ATP4A: variants seen among roughly 807,000 people sequenced by gnomAD.
The protein encoded by ATP4A is ATPase H+/K+ transporting subunit alpha.
Under a neutral mutation model 112.1 loss-of-function variants are expected in ATP4A, and 73 were observed. The observed-to-expected ratio is 0.65, with a 90% CI of 0.54 to 0.79. ATP4A has a LOEUF of 0.79. Ranked by LOEUF, ATP4A falls within the 30% of genes least tolerant of loss-of-function variation. ATP4A has a pLI of 0.00. For missense variants in ATP4A, 1,081 were observed against 1,425.9 expected, an observed-to-expected ratio of 0.76 and a Z score of 3.90; for synonymous variants, 588 against 588.9, an observed-to-expected ratio of 1.00 and a Z score of 0.02.
In ATP4A at chr19:35,558,296, T is replaced by C. The variant is rs1353161774; in HGVS notation, c.1500+66A>G. 54 of 1,530,528 alleles carry C rather than the reference T, an allele frequency of 3.5e-5. No individual in the cohort carries two copies. The highest frequency in any genetic ancestry group is 4.8e-5 in the Non-Finnish European group (54 of 1,135,936). 94.8% of individuals were successfully genotyped at this position (1,530,528 alleles called of 1,614,324 possible). The stretch of plus-strand genomic sequence containing the variant: ...CGAAGCCCCTCGTGGCCCGCTGATG[T>C]GGGTGTGGCCTGGGGCGGGGCCCGA... On this transcript the variant is annotated intron_variant, in intron 10 of 21. Transcript: ENST00000262623. The surrounding 1 kb of genome is among the most constrained non-coding windows in gnomAD (Gnocchi z 5.1).
At position 35,558,940 on chromosome 19, in the gene ATP4A, C is replaced by T; in HGVS notation, c.1255+53G>A. On this transcript the variant is annotated intron_variant, in intron 8 of 21. Coordinates refer to ENST00000262623, the MANE Select transcript of ATP4A (RefSeq NM_000704.3). This position sits in a 1 kb window ranked among gnomAD's most constrained non-coding sequence, Gnocchi z 5.1. ...CCTACCTCCCTATCCCTCTTCAGGT[C>T]TCCACCATCCACCAGATCCTGCCCT... 4.4e-6 allele frequency: 7 copies of T among 1,603,106 alleles called. No individual in the cohort carries two copies. Among genetic ancestry groups the T allele is most frequent in the African/African-American group, 1.3e-5 (1 of 74,892 alleles).
At position 35,559,944 on chromosome 19, in the gene ATP4A, A is replaced by C. The variant is rs1273285199; in HGVS notation, c.917T>G (p.Ile306Ser). 1 of 1,614,224 alleles carries C rather than the reference A, an allele frequency of 6.2e-7. No individual in the cohort carries two copies. Among genetic ancestry groups the C allele is most frequent in the East Asian group, 2.2e-5 (1 of 44,882 alleles). ...ACCGAAGAGAATGGCCAGGCCCGCGATGATGTCCACAAAATGCTCGATCTC... is the reference window on the plus strand; with the variant it reads ...ACCGAAGAGAATGGCCAGGCCCGCGCTGATGTCCACAAAATGCTCGATCTC... ...AIEIEHFVDI[I>S]AGLAILFGAT... The change falls in exon 7 of 22, where the codon ATC (isoleucine) becomes AGC (serine). Residue 306 changes from isoleucine to serine, a missense_variant. Ile to Ser is a moderately radical substitution (Grantham distance 142). This residue lies in a region of ATP4A where 850 missense variants were observed against 1,068.2 expected (regional missense o/e 0.80). Transcript: ENST00000262623. This position sits in a 1 kb window ranked among gnomAD's most constrained non-coding sequence, Gnocchi z 4.1.
chr19:35,555,146 C>A lies in ATP4A; in HGVS notation c.2326+20G>T, dbSNP rs777249685. The A allele has an allele frequency of 6.2e-7, 1 of 1,614,060 alleles. No individual in the cohort carries two copies. The highest frequency in any genetic ancestry group is 1.1e-5 in the South Asian group (1 of 91,062). ...CTCCTGTGCCCACACTGCCTGCCCT[C>A]CCCCTGGCGTGGCTCGGACCCTGCT... On this transcript the variant is annotated intron_variant, in intron 15 of 21. Coordinates refer to ENST00000262623, the MANE Select transcript of ATP4A (RefSeq NM_000704.3). The surrounding 1 kb of genome is among the most constrained non-coding windows in gnomAD (Gnocchi z 6.6).
chr19:35,563,074 C>G, intron 3 of ATP4A, 135 bp downstream of exon 3: 3 of 927,076 alleles, frequency 3.2e-6, no homozygotes, highest in East Asian at 5.8e-5. Context: ...CTGCCTCCCT[C>G]CCTCTCTCTA....
chr19:35,560,663 G>GC lies in ATP4A; in HGVS notation c.535-49_535-48insG. The GC allele has an allele frequency of 9.3e-5, 82 of 883,868 alleles. No individual in the cohort carries two copies. The highest frequency in any genetic ancestry group is 1.3e-4 in the Non-Finnish European group (72 of 561,640). The allele number at this position is 883,868 out of a possible 1,614,324, so 54.8% of individuals were successfully genotyped here. ...TTGAGGTGGACGGGGGTGGGGGTGG[G>GC]AGCTGCTGCATGTGGGGAGGTAAAG... On this transcript the variant is annotated intron_variant, in intron 5 of 21. Transcript: ENST00000262623. This position sits in a 1 kb window ranked among gnomAD's most constrained non-coding sequence, Gnocchi z 5.1.
intron 17 of ATP4A, 40 bp from the exon 18 acceptor site, chr19:35,553,222 CACAGAG>C (rs1193242139): frequency 6.4e-7 from 1 of 1,566,770 alleles, no homozygotes; most frequent in East Asian, 2.3e-5. Flanking sequence ...CAGAGATGGA[CACAGAG>C]ACAGGGACAC....
In ATP4A at chr19:35,550,511, G is replaced by T; in HGVS notation, c.*104C>A. ...CAGAAGCAGATACTGGTGGGGCTGG[G>T]ACTCTTGGTTGCTCAGATATCTTGG... On this transcript the variant is annotated 3_prime_UTR_variant, in exon 22 of 22. Transcript: ENST00000262623. This position sits in a 1 kb window ranked among gnomAD's most constrained non-coding sequence, Gnocchi z 4.1. The T allele has an allele frequency of 1.4e-6, 2 of 1,469,422 alleles. No homozygotes were observed. 91.0% of individuals were successfully genotyped at this position (1,469,422 alleles called of 1,614,324 possible).
intron 12 of ATP4A, among the ~76,000 whole-genome samples, chr19:35,556,237 C>T (rs563339127): frequency 7.2e-5 from 11 of 152,104 alleles, no homozygotes; most frequent in Admixed American, 3.3e-4. Flanking sequence ...AGGACAGGCC[C>T]GAACTGTCGG....
Position 35,560,725 on chromosome 19 carries a change from G to T in ATP4A, c.534+94C>A. ...CTGGGACCCATGGGGAGAGATGGAG[G>T]CCACAGATGAGGGACAGGGGCCTGA... On this transcript the variant is annotated intron_variant, in intron 5 of 21. Transcript: ENST00000262623. The surrounding 1 kb of genome is among the most constrained non-coding windows in gnomAD (Gnocchi z 5.1). 6.3e-7 allele frequency: 1 copy of T among 1,580,436 alleles called. No individual in the cohort carries two copies. The highest frequency in any genetic ancestry group is 8.7e-7 in the Non-Finnish European group (1 of 1,151,554).
At position 35,559,211 on chromosome 19, in the gene ATP4A, C is replaced by G. The variant is rs778804219; in HGVS notation, c.1057-20G>C. The G allele has an allele frequency of 9.3e-6, 15 of 1,612,526 alleles. No homozygotes were observed. The highest frequency in any genetic ancestry group is 6.7e-5 in the East Asian group (3 of 44,878). On this transcript the variant is annotated intron_variant, in intron 7 of 21. Transcript: ENST00000262623. The surrounding 1 kb of genome is among the most constrained non-coding windows in gnomAD (Gnocchi z 4.1). ...GCAGACCTGGGGAAGGGGTGAGCAC[C>G]GCAGGCTGGGGACCCACCCTGGCTT...
rs1275852123 is a variant in ATP4A at position 35,556,937 on chromosome 19, G to C, written c.1845C>G (p.Leu615=). 1 of 1,614,116 alleles carries C rather than the reference G, an allele frequency of 6.2e-7. No individual in the cohort carries two copies. The highest frequency in any genetic ancestry group is 1.3e-5 in the African/African-American group (1 of 75,028). The part of the protein sequence containing the change: ...PPRATVPDAV[L]KCRTAGIRVI... ...CCCGGATGCCTGCGGTGCGACACTTGAGCACAGCATCAGGGACGGTGGCCC... is the reference window on the plus strand; with the variant it reads ...CCCGGATGCCTGCGGTGCGACACTTCAGCACAGCATCAGGGACGGTGGCCC... Residue 615 remains leucine, a synonymous_variant, in exon 12 of 22, where the codon CTC becomes CTG. Transcript: ENST00000262623.
At position 35,551,178 on chromosome 19, in the gene ATP4A, G is replaced by C; in HGVS notation, c.2886-67C>G. The stretch of plus-strand genomic sequence containing the variant: ...ACGTGATGGAAATCAGGATACTGTG[G>C]GTCAAAGTAGGTCAGATGTCAGCAG... On this transcript the variant is annotated intron_variant, in intron 19 of 21. Coordinates refer to ENST00000262623, the MANE Select transcript of ATP4A (RefSeq NM_000704.3). The surrounding 1 kb of genome is among the most constrained non-coding windows in gnomAD (Gnocchi z 5.2). 1 of 1,447,636 alleles carries C rather than the reference G, an allele frequency of 6.9e-7. No homozygotes were observed. Among genetic ancestry groups the C allele is most frequent in the Non-Finnish European group, 9.5e-7 (1 of 1,053,204 alleles). 89.7% of individuals were successfully genotyped at this position (1,447,636 alleles called of 1,614,324 possible). A position where few individuals can be genotyped will look rare whatever the true frequency, so the allele number is the denominator to read the frequency against.
chr19:35,559,708 A>G lies in ATP4A; in HGVS notation c.1056+97T>C. ...GAATGGATGGGAGCTAAGTGGACAGATAGACAGGCAGGGAGGTGATGGGGG... is the reference window on the plus strand; with the variant it reads ...GAATGGATGGGAGCTAAGTGGACAGGTAGACAGGCAGGGAGGTGATGGGGG... On this transcript the variant is annotated intron_variant, in intron 7 of 21. Transcript: ENST00000262623. This position sits in a 1 kb window ranked among gnomAD's most constrained non-coding sequence, Gnocchi z 4.1. 1 of 1,504,744 alleles carries G rather than the reference A, an allele frequency of 6.6e-7. No homozygotes were observed. Among genetic ancestry groups the G allele is most frequent in the South Asian group, 1.3e-5 (1 of 75,918 alleles). The allele number at this position is 1,504,744 out of a possible 1,614,324, so 93.2% of individuals were successfully genotyped here. A position where few individuals can be genotyped will look rare whatever the true frequency, so the allele number is the denominator to read the frequency against.
chr19:35,560,719 A>C lies in ATP4A; in HGVS notation c.534+100T>G. The stretch of plus-strand genomic sequence containing the variant: ...GGAGAGCTGGGACCCATGGGGAGAG[A>C]TGGAGGCCACAGATGAGGGACAGGG... On this transcript the variant is annotated intron_variant, in intron 5 of 21. Transcript: ENST00000262623. The surrounding 1 kb of genome is among the most constrained non-coding windows in gnomAD (Gnocchi z 5.1). 6.3e-7 allele frequency: 1 copy of C among 1,581,350 alleles called. No homozygotes were observed. The highest frequency in any genetic ancestry group is 1.1e-5 in the South Asian group (1 of 89,402).
chr19:35,554,940 G>T lies in ATP4A; in HGVS notation c.2463C>A (p.Ile821=). Residue 821 remains isoleucine, a synonymous_variant, in exon 16 of 22, where the codon ATC becomes ATA. Coordinates refer to ENST00000262623, the MANE Select transcript of ATP4A (RefSeq NM_000704.3). ...LPLGCITILF[I]ELCTDIFPSV... ...GACTTACAATGTCAGTGCAGAGTTC[G>T]ATGAAGAGGATGGTGATGCACCCGA... 2 of 1,614,144 alleles carry T rather than the reference G, an allele frequency of 1.2e-6. No individual in the cohort carries two copies. Among genetic ancestry groups the T allele is most frequent in the Non-Finnish European group, 1.7e-6 (2 of 1,180,012 alleles).
intron 3 of ATP4A, among the ~76,000 whole-genome samples, chr19:35,562,985 TCTCCCTCTCTCCATCTCC>T (rs1049850475): frequency 1.1e-4 from 17 of 150,232 alleles, no homozygotes; most frequent in African/African-American, 4.2e-4. Context: ...TCTCCCTCTC[TCTCCCTCTCTCCATCTCC>T]CTCCCTCTCT....
Position 35,558,281 on chromosome 19 carries a change from C to A in ATP4A, c.1500+81G>T, listed in dbSNP as rs567621344. ...AGAAGGGGCAAGGAGCGAAGCCCCT[C>A]GTGGCCCGCTGATGTGGGTGTGGCC... On this transcript the variant is annotated intron_variant, in intron 10 of 21. Coordinates refer to ENST00000262623, the MANE Select transcript of ATP4A (RefSeq NM_000704.3). This position sits in a 1 kb window ranked among gnomAD's most constrained non-coding sequence, Gnocchi z 5.1. 2 of 1,500,490 alleles carry A rather than the reference C, an allele frequency of 1.3e-6. No individual in the cohort carries two copies. The highest frequency in any genetic ancestry group is 1.3e-5 in the South Asian group (1 of 79,748). The allele number at this position is 1,500,490 out of a possible 1,614,324, so 92.9% of individuals were successfully genotyped here. A position where few individuals can be genotyped will look rare whatever the true frequency, so the allele number is the denominator to read the frequency against.
Position 35,559,298 on chromosome 19 carries a change from T to G in ATP4A, c.1057-107A>C. 1 of 1,189,670 alleles carries G rather than the reference T, an allele frequency of 8.4e-7. No individual in the cohort carries two copies. The highest frequency in any genetic ancestry group is 2.3e-5 in the East Asian group (1 of 42,600). The allele number at this position is 1,189,670 out of a possible 1,614,324, so 73.7% of individuals were successfully genotyped here. A position where few individuals can be genotyped will look rare whatever the true frequency, so the allele number is the denominator to read the frequency against. On this transcript the variant is annotated intron_variant, in intron 7 of 21. Transcript: ENST00000262623. The surrounding 1 kb of genome is among the most constrained non-coding windows in gnomAD (Gnocchi z 4.1). The stretch of plus-strand genomic sequence containing the variant: ...TTTACCCCAGCCGCGGGGCTGCGTG[T>G]GCAACGTGCTTCTGCAAACACCAGG...
At position 35,560,943 on chromosome 19, in the gene ATP4A, G is replaced by A; in HGVS notation, c.421-11C>T. 1 of 1,612,510 alleles carries A rather than the reference G, an allele frequency of 6.2e-7. No homozygotes were observed. On this transcript the variant is annotated splice_polypyrimidine_tract_variant and intron_variant, in intron 4 of 21. Transcript: ENST00000262623. This position sits in a 1 kb window ranked among gnomAD's most constrained non-coding sequence, Gnocchi z 5.1. ...GATTGCCAGGTACAGCTGGGGACAG[G>A]GAAGGGGTGGGGTTATTCAGAGGGG... is the stretch of plus-strand genomic sequence containing the variant.
Sources: gnomAD v4.1 joint callset for allele counts (sites outside exome capture counted in the v4.1 genomes callset) on GRCh38, gnomAD v4.1.1 for gene constraint, gnomAD v4.1.1 regional missense constraint, Gnocchi (gnomAD v3.1) non-coding constraint, MANE v1.5 for transcripts, NCBI Gene and HGNC (gene_info 2026-07-23, HGNC 2026-07-21) for gene names.